The following DCC variants were observed in gnomAD, a reference collection of about 807,000 sequenced individuals.
The protein encoded by DCC is netrin receptor DCC.
In DCC, 58 loss-of-function variants were observed where a neutral mutation model predicts 172.5. The observed-to-expected ratio is 0.34, with a 90% CI of 0.27 to 0.42. The LOEUF is 0.42. Ranked by LOEUF, DCC falls within the 10% of genes least tolerant of loss-of-function variation. The probability of loss-of-function intolerance (pLI) is 1.00; values close to 1 mark genes in which losing one functional copy is unlikely to be tolerated. For synonymous variants in DCC, 709 were observed against 644.5 expected, an observed-to-expected ratio of 1.10 and a Z score of -1.52; for missense variants, 1,740 against 1,791.0, an observed-to-expected ratio of 0.97 and a Z score of 0.51.
intron 5 of DCC, among the ~76,000 whole-genome samples, chr18:52,993,492 C>A (rs2041428416): frequency 6.6e-6 from 1 of 151,892 alleles, no homozygotes; most frequent in South Asian, 2.1e-4. Flanking sequence ...TTACCATGAA[C>A]ATTTAAATGA....
At chr18:53,181,912 T>G (rs2055204262) in intron 9 of DCC, among the ~76,000 whole-genome samples, 2 of 152,324 alleles carry the variant, frequency 1.3e-5, no homozygotes, top group South Asian at 4.1e-4. Context: ...TATTACCTAG[T>G]TAATTTCTTA....
chr18:52,619,460 T>C (rs1386660666), intron 1 of DCC, among the ~76,000 whole-genome samples: 1 of 152,226 alleles, frequency 6.6e-6, no homozygotes, highest in East Asian at 1.9e-4. Flanking sequence ...TTTTGGTTTG[T>C]TGTTGTTTGT....
chr18:52,835,007 AGTT>A (rs373436170), intron 2 of DCC, among the ~76,000 whole-genome samples: 3 of 152,310 alleles, frequency 2.0e-5, no homozygotes, highest in African/African-American at 7.2e-5. Context: ...AATTCTATGA[AGTT>A]GAACAATTTG....
intron 5 of DCC, among the ~76,000 whole-genome samples, chr18:52,972,482 G>A (rs927466737): frequency 5.3e-5 from 8 of 150,518 alleles, no homozygotes; most frequent in Admixed American, 2.7e-4. Flanking sequence ...TTTATGTTAA[G>A]GGAAATACAC....
At position 53,022,803 on chromosome 18, in the gene DCC, T is replaced by A. The variant is rs1382731700; in HGVS notation, c.986-40502T>A. Reference sequence around the variant, plus strand: ...TTTCTGGGTGACTTAGTTTCTGAAATTTAAATGTGATGACTGTAAAAAAAT... The same window carrying A: ...TTTCTGGGTGACTTAGTTTCTGAAAATTAAATGTGATGACTGTAAAAAAAT... On this transcript the variant is annotated intron_variant, in intron 5 of 28. Coordinates refer to ENST00000442544, the MANE Select transcript of DCC (RefSeq NM_005215.4). Among the ~76,000 whole-genome samples the A allele has an allele frequency of 2.0e-5, 3 of 152,078 alleles. No individual in the cohort carries two copies. The East Asian group carries it at 5.8e-4, about 29-fold the overall frequency.
chr18:52,694,811 C>T (rs1334468765), intron 1 of DCC, among the ~76,000 whole-genome samples: 2 of 152,072 alleles, frequency 1.3e-5, no homozygotes, highest in Non-Finnish European at 2.9e-5. Flanking sequence ...CCAAATTTAT[C>T]TGTAAAGTAA....
chr18:53,395,005 G>T (rs1228790468), intron 17 of DCC, among the ~76,000 whole-genome samples: 2 of 151,160 alleles, frequency 1.3e-5, no homozygotes, highest in African/African-American at 2.4e-5. Context: ...TTAGCTGGGC[G>T]TGGTGGGGGG....
chr18:52,631,043 C>T (rs1324940873), intron 1 of DCC, among the ~76,000 whole-genome samples: 2 of 152,204 alleles, frequency 1.3e-5, no homozygotes, highest in African/African-American at 4.8e-5. Context: ...GCACCTCTAG[C>T]ATCTTAGGTC....
intron 6 of DCC, among the ~76,000 whole-genome samples, chr18:53,063,780 A>G (rs1408291921): frequency 6.6e-6 from 1 of 152,242 alleles, no homozygotes; most frequent in Non-Finnish European, 1.5e-5. Context: ...AAGAGAGTTT[A>G]GAACCTAGTT....
chr18:52,528,882 A>G (rs1480225212), intron 1 of DCC, among the ~76,000 whole-genome samples: 1 of 152,166 alleles, frequency 6.6e-6, no homozygotes, highest in Non-Finnish European at 1.5e-5. Context: ...TATTCCAGTT[A>G]GGCCACCAGT....
chr18:53,380,328 G>T (rs1568094027), intron 15 of DCC, among the ~76,000 whole-genome samples: 1 of 152,214 alleles, frequency 6.6e-6, no homozygotes, highest in Admixed American at 6.5e-5. Flanking sequence ...ATTCTCTCTT[G>T]CTCCCAATTC....
At chr18:53,458,883 T>G (rs142018759) in intron 23 of DCC, among the ~76,000 whole-genome samples, 2 of 152,178 alleles carry the variant, frequency 1.3e-5, no homozygotes, top group Non-Finnish European at 2.9e-5. Flanking sequence ...CCTAAACAGA[T>G]GTTGCCATCA....
chr18:53,355,429 T>C (rs989686404), intron 15 of DCC, among the ~76,000 whole-genome samples: 1 of 152,178 alleles, frequency 6.6e-6, no homozygotes, highest in African/African-American at 2.4e-5. Flanking sequence ...TTCCATTTGT[T>C]TGTGTCCTCT....
rs1253158098 is a variant in DCC at position 53,178,858 on chromosome 18, G to T, written c.1419-104G>T. The T allele has an allele frequency of 5.8e-6, 7 of 1,200,672 alleles. No homozygotes were observed. In the Admixed American group the frequency reaches 7.4e-5, roughly 13 times the overall value. The allele number at this position is 1,200,672 out of a possible 1,614,324, so 74.4% of individuals were successfully genotyped here. On this transcript the variant is annotated intron_variant, in intron 8 of 28. Transcript: ENST00000442544. ...GTCCCAGAGTCAACATTAGATGAGT[G>T]AGCAACCTTTTGGTTCACCTCACTA... is the stretch of plus-strand genomic sequence containing the variant.
chr18:53,467,166 T>TTATA (rs540752442), intron 24 of DCC, among the ~76,000 whole-genome samples: 2 of 150,694 alleles, frequency 1.3e-5, no homozygotes, highest in African/African-American at 2.4e-5. Flanking sequence ...AGGTGTGTAC[T>TTATA]TATATATATA....
At chr18:53,416,440 C>A in intron 21 of DCC, 1 of 587,200 alleles carries the variant, frequency 1.7e-6, no homozygotes, top group Non-Finnish European at 3.1e-6. Flanking sequence ...TCTCTGTCTG[C>A]ACTTCTGAAT....
intron 19 of DCC, among the ~76,000 whole-genome samples, 180 bp downstream of exon 19, chr18:53,403,073 TGCACACACAC>T (rs1244645828): frequency 1.4e-4 from 14 of 99,168 alleles, no homozygotes; most frequent in East Asian, 5.1e-4. Context: ...CTTCTAATGG[TGCACACACAC>T]ACACACACAC....
intron 2 of DCC, among the ~76,000 whole-genome samples, chr18:52,790,860 G>GA (rs2037751263): frequency 6.6e-6 from 1 of 152,162 alleles, no homozygotes; most frequent in African/African-American, 2.4e-5. Context: ...TCAAATATCT[G>GA]AGTTAAATTT....
At chr18:53,442,537 C>A (rs569361330) in intron 22 of DCC, among the ~76,000 whole-genome samples, 27 of 152,258 alleles carry the variant, frequency 1.8e-4, no homozygotes, top group Non-Finnish European at 3.2e-4. Context: ...ATTCTCTGAG[C>A]ACAACACTGT....
Sources: allele counts gnomAD v4.1 joint callset (sites outside exome capture counted in the v4.1 genomes callset), GRCh38; gene constraint gnomAD v4.1.1; transcripts MANE v1.5; gene names NCBI Gene and HGNC (gene_info 2026-07-23, HGNC 2026-07-21).